ZNF407: variants seen among roughly 807,000 people sequenced by gnomAD.
ZNF407 encodes the protein zinc finger protein 407.
In ZNF407, 17 loss-of-function variants were observed where a neutral mutation model predicts 131.2. The ratio of observed to expected loss-of-function variants is 0.13; its 90% CI spans 0.09 to 0.19. ZNF407 has a LOEUF of 0.19. ZNF407 is among the 10% of genes least tolerant of loss of function. The pLI, the probability that ZNF407 is intolerant of heterozygous loss-of-function variation, is 1.00. For missense variants in ZNF407, 2,681 were observed against 2,830.6 expected (o/e 0.95, Z 1.20); for synonymous variants, 1,156 against 1,062.0 (o/e 1.09, Z -1.72).
intron 4 of ZNF407, among the ~76,000 whole-genome samples, chr18:74,847,318 T>A (rs1021708598): frequency 4.6e-5 from 7 of 152,186 alleles, no homozygotes; most frequent in Non-Finnish European, 1.0e-4. Context: ...TGCATCTCAC[T>A]TCTCTCATAT....
chr18:74,605,374 A>C (rs983605596), intron 1 of ZNF407, among the ~76,000 whole-genome samples: 2 of 152,232 alleles, frequency 1.3e-5, no homozygotes, highest in Middle Eastern at 3.4e-3. Context: ...TGAAATGCGT[A>C]TTATCTTGTA....
At position 74,840,141 on chromosome 18, in the gene ZNF407, T is replaced by G. The variant is rs578088683; in HGVS notation, c.4878-37056T>G. ...TGTCCTCTTCAATATACACATGGCT[T>G]TCGGGAAACCACACTTTCTTGGTCT... On this transcript the variant is annotated intron_variant, in intron 4 of 8. Coordinates refer to ENST00000299687, the MANE Select transcript of ZNF407 (RefSeq NM_017757.3). 5.3e-4 allele frequency among the ~76,000 whole-genome samples: 80 copies of G among 152,320 alleles called. 1 individual carries two copies. Among genetic ancestry groups the G allele is most frequent in the African/African-American group, 1.6e-3 (68 of 41,580 alleles).
At position 74,634,216 on chromosome 18, in the gene ZNF407, C is replaced by T. The variant is rs754196990; in HGVS notation, c.3197C>T (p.Ala1066Val). 1 of 1,613,994 alleles carries T rather than the reference C, an allele frequency of 6.2e-7. No individual in the cohort carries two copies. The highest frequency in any genetic ancestry group is 8.5e-7 in the Non-Finnish European group (1 of 1,179,886). ...VTRREMTRHA[A>V]TEKHKMKRQS... is the part of the protein sequence containing the mutation. ...CGTCGCGAGATGACCAGGCATGCAG[C>T]AACAGAGAAGCACAAAATGAAAAGG... The change falls in exon 2 of 9, where the codon GCA (alanine) becomes GTA (valine). Residue 1066 changes from alanine to valine, a missense_variant. Around this residue, in one of 6 missense-constraint regions of ZNF407, gnomAD observed 1,789 missense variants for 1,748.7 expected, o/e 1.02. Transcript: ENST00000299687.
chr18:74,831,214 T>C (rs780267109), intron 4 of ZNF407, among the ~76,000 whole-genome samples: 3 of 152,200 alleles, frequency 2.0e-5, no homozygotes, highest in Non-Finnish European at 4.4e-5. Context: ...TTGGCTGTTG[T>C]GAACAGCATG....
intron 8 of ZNF407, among the ~76,000 whole-genome samples, chr18:75,017,908 A>G (rs1599295944): frequency 1.3e-5 from 2 of 152,278 alleles, no homozygotes; most frequent in African/African-American, 4.8e-5. Context: ...AGCTGAGCAC[A>G]TGCCAGGACC....
intron 3 of ZNF407, among the ~76,000 whole-genome samples, chr18:74,752,178 G>A (rs957629850): frequency 6.6e-6 from 1 of 152,016 alleles, no homozygotes; most frequent in Non-Finnish European, 1.5e-5. Context: ...CTTTTTTTGA[G>A]ACGTTTCTCT....
chr18:74,744,442 C>T (rs993309286), intron 3 of ZNF407, among the ~76,000 whole-genome samples: 4 of 152,046 alleles, frequency 2.6e-5, no homozygotes, highest in African/African-American at 9.7e-5. Context: ...GATAGTTTTT[C>T]ATTTTTATTT....
intron 3 of ZNF407, among the ~76,000 whole-genome samples, chr18:74,646,629 C>A (rs1984985651): frequency 6.6e-6 from 1 of 152,092 alleles, no homozygotes; most frequent in Non-Finnish European, 1.5e-5. Context: ...CCTTGAGATA[C>A]CTTTTATGTA....
intron 1 of ZNF407, among the ~76,000 whole-genome samples, chr18:74,603,171 A>T (rs1982656215): frequency 6.6e-6 from 1 of 152,184 alleles, no homozygotes; most frequent in Non-Finnish European, 1.5e-5. Context: ...ATTTATTTAA[A>T]GAAAGTTTTG....
chr18:74,876,675 T>A (rs1971161045), intron 4 of ZNF407, among the ~76,000 whole-genome samples: 1 of 152,246 alleles, frequency 6.6e-6, no homozygotes, highest in Non-Finnish European at 1.5e-5. Flanking sequence ...CCTTTTTATG[T>A]ACCCACATGG....
At chr18:74,750,514 A>G (rs1481605980) in intron 3 of ZNF407, among the ~76,000 whole-genome samples, 3 of 152,098 alleles carry the variant, frequency 2.0e-5, no homozygotes, top group Non-Finnish European at 4.4e-5. Flanking sequence ...GCATGTTTTC[A>G]TGATTCATTC....
At position 74,934,692 on chromosome 18, in the gene ZNF407, G is replaced by C. The variant is rs185670539; in HGVS notation, c.5428+14000G>C. ...ATGGTGGCGCGTGCCTGTAATACCA[G>C]CTATTCGGGAGGGTGAGGCAGAAGA... On this transcript the variant is annotated intron_variant, in intron 8 of 8. Transcript: ENST00000299687. 2.7e-3 allele frequency among the ~76,000 whole-genome samples: 415 copies of C among 152,308 alleles called. 2 individuals carry two copies. Among genetic ancestry groups the C allele is most frequent in the Admixed American group, 0.011 (173 of 15,300 alleles).
intron 5 of ZNF407, 129 bp downstream of exon 5, chr18:74,877,492 G>T: frequency 2.2e-6 from 2 of 908,298 alleles, no homozygotes; most frequent in South Asian, 1.7e-5. Flanking sequence ...TTAAGATTGT[G>T]GTAATTATGT....
intron 4 of ZNF407, among the ~76,000 whole-genome samples, chr18:74,790,199 G>A (rs990269294): frequency 1.5e-4 from 23 of 152,078 alleles, no homozygotes; most frequent in Non-Finnish European, 3.1e-4. Context: ...TTCAGTACCA[G>A]TTCAATGAGT....
At chr18:74,851,561 A>G (rs1032277067) in intron 4 of ZNF407, among the ~76,000 whole-genome samples, 1 of 152,204 alleles carries the variant, frequency 6.6e-6, no homozygotes, top group Non-Finnish European at 1.5e-5. Flanking sequence ...GGTGTGGAGC[A>G]TGGCAATTGG....
chr18:74,897,410 C>T (rs1971466802), intron 7 of ZNF407, among the ~76,000 whole-genome samples: 1 of 152,088 alleles, frequency 6.6e-6, no homozygotes. Context: ...ACAAAGTGAC[C>T]ATGCATTCCG....
intron 3 of ZNF407, among the ~76,000 whole-genome samples, chr18:74,666,033 G>C (rs1985916411): frequency 1.3e-5 from 2 of 152,160 alleles, no homozygotes; most frequent in African/African-American, 4.8e-5. Flanking sequence ...GCCCTGGCTT[G>C]CCTGAGAATG....
intron 3 of ZNF407, 146 bp from the exon 4 acceptor site, chr18:74,781,282 T>G: frequency 1.8e-6 from 1 of 558,674 alleles, no homozygotes; most frequent in Non-Finnish European, 3.1e-6. Context: ...TTAATCTGTA[T>G]GCAAGCTTTG....
intron 4 of ZNF407, among the ~76,000 whole-genome samples, chr18:74,850,811 T>G (rs1970772323): frequency 6.6e-6 from 1 of 152,202 alleles, no homozygotes; most frequent in African/African-American, 2.4e-5. Flanking sequence ...GTTTATTCAG[T>G]TTTTCCAACC....
Sources: allele counts gnomAD v4.1 joint callset (sites outside exome capture counted in the v4.1 genomes callset), GRCh38; gene constraint gnomAD v4.1.1; regional missense constraint gnomAD v4.1.1; transcripts MANE v1.5; gene names NCBI Gene and HGNC (gene_info 2026-07-23, HGNC 2026-07-21).